Variants in SAA2 observed in about 807,000 individuals in gnomAD.
SAA2 encodes serum amyloid A2, also known as serum amyloid A-2 protein.
Under a neutral mutation model 9.1 loss-of-function variants are expected in SAA2, and 5 were observed. The observed-to-expected ratio is 0.55, with a 90% CI of 0.29 to 1.16. The LOEUF is 1.16. SAA2 is among the 50% of genes most tolerant of loss of function. SAA2 has a pLI of 0.09. For missense variants in SAA2, 94 were observed against 153.8 expected, an observed-to-expected ratio of 0.61 and a Z score of 2.06; for synonymous variants, 49 against 59.8, an observed-to-expected ratio of 0.82 and a Z score of 0.83.
chr11:18,241,761 A>G (rs1177554378), downstream of SAA2, among the ~76,000 whole-genome samples: 1 of 152,194 alleles, frequency 6.6e-6, no homozygotes, highest in Non-Finnish European at 1.5e-5. Flanking sequence ...GATGGAGGGC[A>G]GAAGGGGGCC....
intron 3 of SAA2, chr11:18,239,979 G>A (rs1227728870): frequency 6.4e-7 from 1 of 1,550,626 alleles, no homozygotes; most frequent in East Asian, 2.4e-5. Flanking sequence ...ACTGACAAAG[G>A]CAGATTAATA....
downstream of SAA2, chr11:18,242,666 C>A (rs866969760): frequency 2.8e-5 from 18 of 635,152 alleles, no homozygotes; most frequent in Middle Eastern, 8.1e-4. Flanking sequence ...GGTGACACGG[C>A]GAAACCCCAT....
In SAA2 at chr11:18,247,970, C is replaced by A. The variant is rs377227815; in HGVS notation, c.42G>T (p.Leu14=). The A allele has an allele frequency of 2.5e-5, 41 of 1,613,514 alleles. No homozygotes were observed. The highest frequency in any genetic ancestry group is 5.9e-6 in the Non-Finnish European group (7 of 1,179,828). The change falls in exon 2 of 4, where the codon CTG becomes CTT. Residue 14 remains leucine, a synonymous_variant. Transcript: ENST00000256733. ...LTGLVFCSLV[L]SVSSRSFFSF... ...AAAAGAAGCTTCGGCTGCTGACACT[C>A]AGGACCAAGGAGCAGAAAACCAGGC... is the stretch of plus-strand genomic sequence containing the variant.
downstream of SAA2, chr11:18,242,622 G>A (rs1857380277): frequency 3.5e-6 from 2 of 574,770 alleles, no homozygotes; most frequent in Admixed American, 2.9e-5. Flanking sequence ...GAGGCAGGCA[G>A]ATCACTTGAG....
chr11:18,242,783 G>A (rs1454948190), downstream of SAA2: 1 of 701,390 alleles, frequency 1.4e-6, no homozygotes, highest in Non-Finnish European at 2.6e-6. Context: ...GGAGGTCGAG[G>A]TTGCAGTGAG....
intron 2 of SAA2, among the ~76,000 whole-genome samples, chr11:18,246,338 C>T (rs1196642065): frequency 6.6e-6 from 1 of 152,178 alleles, no homozygotes; most frequent in Non-Finnish European, 1.5e-5. Context: ...AGAAAGGTGG[C>T]AGACACAGAG....
intron 2 of SAA2, among the ~76,000 whole-genome samples, chr11:18,247,000 C>T (rs1857576516): frequency 6.6e-6 from 1 of 152,228 alleles, no homozygotes; most frequent in Admixed American, 6.5e-5. Context: ...ATGCGTCTAC[C>T]TGGCAAGAGC....
chr11:18,244,905 T>C (rs1377514809), downstream of SAA2, among the ~76,000 whole-genome samples: 1 of 152,112 alleles, frequency 6.6e-6, no homozygotes, highest in Non-Finnish European at 1.5e-5. Flanking sequence ...CACAATTCAA[T>C]TGTCTGTAGC....
chr11:18,246,296 G>T (rs1463173156), intron 2 of SAA2, among the ~76,000 whole-genome samples: 1 of 152,194 alleles, frequency 6.6e-6, no homozygotes, highest in Non-Finnish European at 1.5e-5. Flanking sequence ...GAGTGTATAT[G>T]AATGAGGTGG....
At position 18,245,503 on chromosome 11, in the gene SAA2, C is replaced by G; in HGVS notation, c.243G>C (p.Glu81Asp). Reference sequence around the variant, plus strand: ...CACGGCCTGTGAGTCTCTGGATATTCTCTCTGGCATTGCTGTAGTCCAGGC... The same window carrying G: ...CACGGCCTGTGAGTCTCTGGATATTGTCTCTGGCATTGCTGTAGTCCAGGC... ...WAAEVISNARENIQRLTGRGA... is the reference protein window; with the variant it reads ...WAAEVISNARDNIQRLTGRGA... Residue 81 changes from glutamate (E) to aspartate (D), a missense_variant, in exon 4 of 4, where the codon GAG (glutamate) becomes GAC (aspartate). Physicochemically the swap from Glu to Asp is conservative, Grantham distance 45. Coordinates refer to ENST00000256733, the MANE Select transcript of SAA2 (RefSeq NM_030754.5). 6.2e-7 allele frequency: 1 copy of G among 1,614,086 alleles called. No homozygotes were observed.
rs749540517 is a variant in SAA2 at position 18,245,411 on chromosome 11, T to C, written c.335A>G (p.His112Arg). 1 of 1,614,168 alleles carries C rather than the reference T, an allele frequency of 6.2e-7. No homozygotes were observed. Among genetic ancestry groups the C allele is most frequent in the South Asian group, 1.1e-5 (1 of 91,082 alleles). The stretch of plus-strand genomic sequence containing the variant: ...CTCAGGCAGGCCAGCAGGTCGGAAG[T>C]GATTGGGGTCTCTGCCACTCCTGCC... Reference protein sequence around the residue: ...KWGRSGRDPNHFRPAGLPEKY With the variant: ...KWGRSGRDPNRFRPAGLPEKY The change falls in exon 4 of 4, where the codon CAC becomes CGC. Residue 112 changes from histidine (H) to arginine (R), a missense_variant. By Grantham distance (29) the His-to-Arg change is conservative (BLOSUM62 0). This residue lies in a region of SAA2 where 62 missense variants were observed against 58.3 expected (regional missense o/e 1.06). Transcript: ENST00000256733.
downstream of SAA2, chr11:18,240,311 G>A (rs1455728900): frequency 1.4e-6 from 1 of 702,300 alleles, no homozygotes; most frequent in Non-Finnish European, 2.6e-6. Context: ...ATTTCATGGA[G>A]CAGGTGGAAG....
At chr11:18,239,850 G>A (rs1287027272) in exon 4 of SAA2, 2 of 1,458,112 alleles carry the variant, frequency 1.4e-6, no homozygotes, top group Admixed American at 2.5e-5. Flanking sequence ...CAAAGGCCAT[G>A]GTCTTGTTAG....
At chr11:18,240,560 C>G (rs1468587992), downstream of SAA2, among the ~76,000 whole-genome samples, 1 of 151,912 alleles carries the variant, frequency 6.6e-6, no homozygotes, top group Non-Finnish European at 1.5e-5. Context: ...ATAGAGAACC[C>G]AAAAATAAAA....
downstream of SAA2, chr11:18,240,317 G>A (rs890667903): frequency 4.3e-6 from 3 of 702,230 alleles, no homozygotes; most frequent in South Asian, 3.0e-5. Flanking sequence ...TGGAGCAGGT[G>A]GAAGGCTATT....
At chr11:18,244,945 G>C (rs937264450), downstream of SAA2, among the ~76,000 whole-genome samples, 1 of 152,170 alleles carries the variant, frequency 6.6e-6, no homozygotes, top group Non-Finnish European at 1.5e-5. Context: ...GATCACTGAG[G>C]AATGAAGAAC....
downstream of SAA2, chr11:18,245,208 G>A (rs1202012200): frequency 1.4e-6 from 2 of 1,428,356 alleles, no homozygotes; most frequent in Admixed American, 2.7e-5. Flanking sequence ...CAGGCAGTCA[G>A]CACCAAAAGA....
At chr11:18,247,212 G>A (rs1322239974) in intron 2 of SAA2, among the ~76,000 whole-genome samples, 1 of 152,160 alleles carries the variant, frequency 6.6e-6, no homozygotes, top group Non-Finnish European at 1.5e-5. Context: ...TTAGTTCCCA[G>A]CTCTTGTCAA....
intron 2 of SAA2, among the ~76,000 whole-genome samples, chr11:18,247,249 CAG>C (rs1857590436): frequency 6.6e-6 from 1 of 151,800 alleles, no homozygotes; most frequent in South Asian, 2.1e-4. Context: ...AGAATGGAAA[CAG>C]AACAAACCAG....
Sources: gnomAD v4.1 joint callset for allele counts (sites outside exome capture counted in the v4.1 genomes callset) on GRCh38, gnomAD v4.1.1 for gene constraint, gnomAD v4.1.1 regional missense constraint, MANE v1.5 for transcripts, NCBI Gene and HGNC (gene_info 2026-07-23, HGNC 2026-07-21) for gene names.